The following PRKCZ variants were observed in gnomAD, a reference collection of about 807,000 sequenced individuals.
PRKCZ encodes the protein protein kinase C zeta type.
PRKCZ carries 33 observed loss-of-function variants against 79.5 expected under a neutral mutation model. The observed-to-expected ratio is 0.41, with a 90% CI of 0.31 to 0.55. The LOEUF is 0.55. Ranked by LOEUF, PRKCZ falls within the 20% of genes least tolerant of loss-of-function variation. The pLI is 0.19. For missense variants in PRKCZ, 578 were observed against 813.5 expected (o/e 0.71, Z 3.52); for synonymous variants, 342 against 320.9 (o/e 1.07, Z -0.70).
intron 10 of PRKCZ, among the ~76,000 whole-genome samples, chr1:2,161,156 G>A (rs1342141131): frequency 6.6e-6 from 1 of 152,240 alleles, no homozygotes; most frequent in Non-Finnish European, 1.5e-5. Flanking sequence ...GGCCCAGCGT[G>A]GGCGCAGCCG....
intron 5 of PRKCZ, 26 bp from the exon 6 acceptor site, chr1:2,144,184 G>A (rs1403384313): frequency 6.5e-7 from 1 of 1,549,776 alleles, no homozygotes; most frequent in Non-Finnish European, 8.7e-7. Context: ...TGTGGCCTGG[G>A]CCTGACGCTC....
At chr1:2,103,085 G>T (rs931419427) in intron 4 of PRKCZ, among the ~76,000 whole-genome samples, 5 of 152,140 alleles carry the variant, frequency 3.3e-5, no homozygotes, top group Admixed American at 6.6e-5. Flanking sequence ...ACCCAGGCTG[G>T]TCTGGAATGC....
At chr1:2,117,550 C>G (rs112729458) in intron 4 of PRKCZ, among the ~76,000 whole-genome samples, 55 of 152,128 alleles carry the variant, frequency 3.6e-4, no homozygotes, top group African/African-American at 1.3e-3. Context: ...GCCTTGTTAC[C>G]CTGGCACTGT....
chr1:2,135,276 C>T lies in PRKCZ; in HGVS notation c.349C>T (p.Arg117Trp), dbSNP rs201391648. The change falls in exon 5 of 18, where the codon CGG (arginine) becomes TGG (tryptophan). Residue 117 changes from arginine (R) to tryptophan (W), a missense_variant. Physicochemically the swap from Arg to Trp is moderately radical, Grantham distance 101. Transcript: ENST00000378567. ...ATCCTTTCCAGAATCTATCTACCGC[C>T]GGGGAGCCAGAAGATGGAGGAAGCT... ...CPGEDKSIYR[R>W]GARRWRKLYR... The T allele has an allele frequency of 5.2e-5, 84 of 1,612,812 alleles. No homozygotes were observed. The highest frequency in any genetic ancestry group is 6.0e-5 in the Non-Finnish European group (71 of 1,179,562).
intron 4 of PRKCZ, among the ~76,000 whole-genome samples, chr1:2,077,450 T>C (rs1199136962): frequency 6.6e-6 from 1 of 152,208 alleles, no homozygotes; most frequent in Non-Finnish European, 1.5e-5. Flanking sequence ...CAGCGAACCT[T>C]GATTGTTGAA....
At chr1:2,101,021 A>T (rs1261028985) in intron 4 of PRKCZ, among the ~76,000 whole-genome samples, 1 of 24,304 alleles carries the variant, frequency 4.1e-5, no homozygotes, top group Non-Finnish European at 5.9e-5. Flanking sequence ...TATTTTGTTA[A>T]AAAAAAAAAA....
intron 5 of PRKCZ, among the ~76,000 whole-genome samples, chr1:2,135,958 G>A (rs1466180974): frequency 6.6e-6 from 1 of 152,070 alleles, no homozygotes. Context: ...TGCCTTGGTG[G>A]CCCTGGAGTT....
At chr1:2,054,332 C>T (rs1659956255) in intron 1 of PRKCZ, among the ~76,000 whole-genome samples, 1 of 152,072 alleles carries the variant, frequency 6.6e-6, no homozygotes, top group African/African-American at 2.4e-5. Flanking sequence ...GGGTGTGATT[C>T]CCGCTCTGAG....
At chr1:2,095,910 C>G (rs111439148) in intron 4 of PRKCZ, among the ~76,000 whole-genome samples, 1 of 127,088 alleles carries the variant, frequency 7.9e-6, no homozygotes, top group Non-Finnish European at 1.7e-5. Context: ...CTCCTCTCCC[C>G]TCCTCTCCCC....
At position 2,173,335 on chromosome 1, in the gene PRKCZ, C is replaced by T. The variant is rs935843140; in HGVS notation, c.1286-562C>T. ...AGAACCCAGCTTGGGATGGGGATTC[C>T]GTGTGGGACAGCGGCAGCGTCTCAC... On this transcript the variant is annotated intron_variant, in intron 13 of 17. Coordinates refer to ENST00000378567, the MANE Select transcript of PRKCZ (RefSeq NM_002744.6). The surrounding 1 kb of genome is among the most constrained non-coding windows in gnomAD (Gnocchi z 5.7). Among the ~76,000 whole-genome samples the T allele has an allele frequency of 3.3e-5, 5 of 152,154 alleles. No individual in the cohort carries two copies. The South Asian group carries it at 6.2e-4, about 19-fold the overall frequency.
chr1:2,054,134 A>T (rs1005742546), intron 1 of PRKCZ, among the ~76,000 whole-genome samples: 3 of 152,060 alleles, frequency 2.0e-5, no homozygotes, highest in African/African-American at 7.3e-5. Flanking sequence ...GTTTCTTGAA[A>T]CTTGTCTGAT....
At chr1:2,102,700 T>C (rs561099511) in intron 4 of PRKCZ, among the ~76,000 whole-genome samples, 3 of 152,254 alleles carry the variant, frequency 2.0e-5, no homozygotes, top group Admixed American at 1.3e-4. Context: ...TATTTTTTTC[T>C]CCACTTTATT....
At chr1:2,104,912 C>A in intron 4 of PRKCZ, 1 of 985,474 alleles carries the variant, frequency 1.0e-6, no homozygotes. Context: ...AGCCTTTATT[C>A]TTCACACCTC....
Position 2,178,053 on chromosome 1 carries a change from C to T in PRKCZ, c.1575+2740C>T, listed in dbSNP as rs539450250. Among the ~76,000 whole-genome samples the T allele has an allele frequency of 8.1e-4, 124 of 152,348 alleles. No individual in the cohort carries two copies. The highest frequency in any genetic ancestry group is 3.5e-3 in the South Asian group (17 of 4,826). On this transcript the variant is annotated intron_variant, in intron 16 of 17. Coordinates refer to ENST00000378567, the MANE Select transcript of PRKCZ (RefSeq NM_002744.6). This position sits in a 1 kb window ranked among gnomAD's most constrained non-coding sequence, Gnocchi z 4.3. ...CAGCAGGGTTGGTGTGGGGTCACCA[C>T]CACCCCCATGTGACCTTGGCAGAAG... is the stretch of plus-strand genomic sequence containing the variant.
chr1:2,155,103 T>C (rs1264371916), intron 9 of PRKCZ, among the ~76,000 whole-genome samples: 1 of 152,140 alleles, frequency 6.6e-6, no homozygotes, highest in Non-Finnish European at 1.5e-5. Flanking sequence ...GTGAAGATGA[T>C]GGTGATGATG....
chr1:2,159,912 G>T (rs569475165), intron 10 of PRKCZ, among the ~76,000 whole-genome samples: 11 of 152,158 alleles, frequency 7.2e-5, no homozygotes, highest in Non-Finnish European at 1.5e-4. Flanking sequence ...TAGCTGAAAT[G>T]ACTACTTTCA....
rs1662234751 is a variant in PRKCZ at position 2,075,505 on chromosome 1, C to A, written c.334+15914C>A. ...TCTGTGTCTCGGCCAGATCGGCACA[C>A]ATCTTCCGCGTTCCTGTCCCAGCTG... is the stretch of plus-strand genomic sequence containing the variant. On this transcript the variant is annotated intron_variant, in intron 4 of 17. Transcript: ENST00000378567. This position sits in a 1 kb window ranked among gnomAD's most constrained non-coding sequence, Gnocchi z 4.8. The A allele has an allele frequency of 6.6e-6, 1 of 152,240 alleles. No individual in the cohort carries two copies. Among genetic ancestry groups the A allele is most frequent in the South Asian group, 2.1e-4 (1 of 4,824 alleles). The allele number at this position is 152,240 out of a possible 1,614,324, so 9.4% of individuals were successfully genotyped here. A position where few individuals can be genotyped will look rare whatever the true frequency, so the allele number is the denominator to read the frequency against.
At position 2,128,796 on chromosome 1, in the gene PRKCZ, C is replaced by T. The variant is rs1233226019; in HGVS notation, c.335-6466C>T. Among the ~76,000 whole-genome samples, 13 of 152,186 alleles carry T rather than the reference C, an allele frequency of 8.5e-5. No homozygotes were observed. The highest frequency in any genetic ancestry group is 2.9e-5 in the Non-Finnish European group (2 of 68,030). The stretch of plus-strand genomic sequence containing the variant: ...CCCCAGGCTGTGTCCACACGTACCC[C>T]CGGAAGGACCTCCTGCTAACCTGGG... On this transcript the variant is annotated intron_variant, in intron 4 of 17. Transcript: ENST00000378567. This position sits in a 1 kb window ranked among gnomAD's most constrained non-coding sequence, Gnocchi z 6.5.
rs762922606 is a variant in PRKCZ, at chr1:2,159,226, C to T, written c.974+3134C>T. On this transcript the variant is annotated intron_variant, in intron 10 of 17. Transcript: ENST00000378567. ...CTGACCACACAGCACCAGACACCCACGTGAAGCAAAGCCAACATCGGCAAG... is the reference window on the plus strand; with the variant it reads ...CTGACCACACAGCACCAGACACCCATGTGAAGCAAAGCCAACATCGGCAAG... Among the ~76,000 whole-genome samples the T allele has an allele frequency of 2.6e-5, 4 of 152,260 alleles. No individual in the cohort carries two copies. In the South Asian group the frequency reaches 6.2e-4, roughly 24 times the overall value.
Sources: allele counts gnomAD v4.1 joint callset (sites outside exome capture counted in the v4.1 genomes callset), GRCh38; gene constraint gnomAD v4.1.1; non-coding constraint Gnocchi (gnomAD v3.1); transcripts MANE v1.5; gene names NCBI Gene and HGNC (gene_info 2026-07-23, HGNC 2026-07-21).